The following ESRRG variants were observed in gnomAD, a reference collection of about 807,000 sequenced individuals.
ESRRG encodes the protein estrogen related receptor gamma.
ESRRG carries 13 observed loss-of-function variants against 44.0 expected under a neutral mutation model. The ratio of observed to expected loss-of-function variants is 0.30; its 90% CI spans 0.19 to 0.47. The LOEUF (loss-of-function observed/expected upper bound fraction) is 0.47, where lower values mean the gene tolerates loss of function less well. Ranked by LOEUF, ESRRG falls within the 20% of genes least tolerant of loss-of-function variation. The pLI, the probability that ESRRG is intolerant of heterozygous loss-of-function variation, is 1.00. For missense variants in ESRRG, 395 were observed against 580.6 expected (o/e 0.68, Z 3.29); for synonymous variants, 215 against 214.6 (o/e 1.00, Z -0.02).
Position 216,591,971 on chromosome 1 carries a change from C to G in ESRRG, c.590-23873G>C, listed in dbSNP as rs150861002. On this transcript the variant is annotated intron_variant, in intron 3 of 6. Coordinates refer to ENST00000408911, the MANE Select transcript of ESRRG (RefSeq NM_001438.4). ...TTATAGTGGAAAAGCCTGGTAGATA[C>G]CCCCAGTCAAGTGACCAAGATAATG... is the stretch of plus-strand genomic sequence containing the variant. Among the ~76,000 whole-genome samples, 197 of 149,462 alleles carry G rather than the reference C, an allele frequency of 1.3e-3. 1 individual carries two copies. The highest frequency in any genetic ancestry group is 4.8e-3 in the African/African-American group (188 of 38,870).
intron 5 of ESRRG, among the ~76,000 whole-genome samples, chr1:216,535,721 G>T (rs2050740826): frequency 6.6e-6 from 1 of 151,898 alleles, no homozygotes. Flanking sequence ...TTCTCCTCAA[G>T]TTCCATTCCT....
chr1:217,000,598 A>G (rs1037819055), intron 1 of ESRRG: 3 of 152,234 alleles, frequency 2.0e-5, no homozygotes, highest in African/African-American at 7.2e-5. Context: ...TTTTGGGGAT[A>G]CACAATTCAA....
rs539050133 is a variant in ESRRG, at chr1:216,795,976, G to A, written c.-13-118485C>T. ...GCAGGACTCTTCTCCCCAAAATCTC[G>A]GGCATCATGGGGCATTGCATATCAG... On this transcript the variant is annotated intron_variant, in intron 2 of 7. Coordinates refer to the ESRRG transcript ENST00000359162. 9.2e-5 allele frequency among the ~76,000 whole-genome samples: 14 copies of A among 152,200 alleles called. No homozygotes were observed. The South Asian group carries it at 1.9e-3, about 20-fold the overall frequency.
intron 3 of ESRRG, among the ~76,000 whole-genome samples, chr1:216,645,162 C>T (rs2067263841): frequency 6.6e-6 from 1 of 152,152 alleles, no homozygotes. Flanking sequence ...ACTGTGCCTT[C>T]AACTCTCACG....
chr1:216,648,736 C>T (rs80255743), intron 3 of ESRRG, among the ~76,000 whole-genome samples: 2,545 of 152,080 alleles, frequency 0.017, 68 homozygotes, highest in African/African-American at 0.058. Flanking sequence ...CAAAATAAAA[C>T]CTAAATATAG....
chr1:216,660,329 A>T (rs1321280084), intron 2 of ESRRG, among the ~76,000 whole-genome samples: 1 of 152,190 alleles, frequency 6.6e-6, no homozygotes, highest in Non-Finnish European at 1.5e-5. Context: ...TCAATACCTA[A>T]GAACAGGAGA....
At chr1:217,059,400 T>A (rs1416802800) in intron 1 of ESRRG, among the ~76,000 whole-genome samples, 1 of 152,034 alleles carries the variant, frequency 6.6e-6, no homozygotes, top group African/African-American at 2.4e-5. Context: ...CCAACGCGCA[T>A]CCCTAGCATC....
At chr1:216,615,523 C>T (rs568785254) in intron 3 of ESRRG, among the ~76,000 whole-genome samples, 1 of 152,102 alleles carries the variant, frequency 6.6e-6, no homozygotes. Context: ...ACAGGGAAGA[C>T]CCCAGTTCTT....
At chr1:216,523,553 C>CA (rs1390664261) in intron 5 of ESRRG, among the ~76,000 whole-genome samples, 1 of 142,702 alleles carries the variant, frequency 7.0e-6, no homozygotes, top group Admixed American at 7.2e-5. Flanking sequence ...AGTCAACTTA[C>CA]AAAAAAGGCT....
At chr1:216,594,350 A>C (rs1168036873) in intron 3 of ESRRG, among the ~76,000 whole-genome samples, 1 of 152,192 alleles carries the variant, frequency 6.6e-6, no homozygotes, top group Non-Finnish European at 1.5e-5. Context: ...TAGAGACAAT[A>C]ATATTATTTA....
At position 216,810,844 on chromosome 1, in the gene ESRRG, G is replaced by A. The variant is rs982313620; in HGVS notation, c.-14+128738C>T. Among the ~76,000 whole-genome samples the A allele has an allele frequency of 6.0e-5, 9 of 149,490 alleles. No individual in the cohort carries two copies. In the South Asian group the frequency reaches 1.7e-3, roughly 28 times the overall value. ...ATATATATAACTCTATGATATGTGT[G>A]TATATATGTACATATATATAACGTT... On this transcript the variant is annotated intron_variant, in intron 2 of 7. Coordinates refer to the ESRRG transcript ENST00000359162.
intron 1 of ESRRG, among the ~76,000 whole-genome samples, chr1:217,015,492 G>A (rs571628652): frequency 6.6e-6 from 1 of 152,158 alleles, no homozygotes; most frequent in South Asian, 2.1e-4. Flanking sequence ...TTCCATTGGA[G>A]GAGGTTTATA....
At chr1:216,882,846 C>A (rs1249593943) in intron 2 of ESRRG, among the ~76,000 whole-genome samples, 1 of 151,854 alleles carries the variant, frequency 6.6e-6, no homozygotes, top group Non-Finnish European at 1.5e-5. Flanking sequence ...CTAATCACTT[C>A]ATACTTTGTC....
At chr1:217,070,925 G>C (rs1015032083) in intron 1 of ESRRG, among the ~76,000 whole-genome samples, 2 of 152,162 alleles carry the variant, frequency 1.3e-5, no homozygotes, top group South Asian at 2.1e-4. Context: ...AAATGGAAAT[G>C]ATGATCCCAG....
At chr1:216,786,800 A>G (rs2147995595) in intron 2 of ESRRG, among the ~76,000 whole-genome samples, 1 of 152,238 alleles carries the variant, frequency 6.6e-6, no homozygotes, top group African/African-American at 2.4e-5. Flanking sequence ...GCAAAAATAC[A>G]ATTATACAAT....
At chr1:216,796,291 C>G (rs529424103) in intron 2 of ESRRG, among the ~76,000 whole-genome samples, 31 of 152,256 alleles carry the variant, frequency 2.0e-4, no homozygotes, top group Non-Finnish European at 3.5e-4. Context: ...CTCCCAGATG[C>G]CCTTGGGCAA....
At chr1:216,656,306 A>C (rs1043726912) in intron 2 of ESRRG, among the ~76,000 whole-genome samples, 3 of 152,180 alleles carry the variant, frequency 2.0e-5, no homozygotes, top group Non-Finnish European at 4.4e-5. Flanking sequence ...CAGTTTTGTC[A>C]ATAGCTAGGG....
At chr1:217,002,819 A>G (rs2150678236) in intron 1 of ESRRG, among the ~76,000 whole-genome samples, 1 of 152,216 alleles carries the variant, frequency 6.6e-6, no homozygotes, top group Non-Finnish European at 1.5e-5. Context: ...GCAGGCTTTC[A>G]TTTGACTGCA....
rs575767723 is a variant in ESRRG at position 216,954,749 on chromosome 1, A to G, written c.-105-15076T>C. ...TTAATATATACGCTATGTTTCTTCA[A>G]TTAAGACACTTGCCAGCTGACAGGC... On this transcript the variant is annotated intron_variant, in intron 1 of 7. Coordinates refer to the ESRRG transcript ENST00000359162. Among the ~76,000 whole-genome samples, 9 of 152,250 alleles carry G rather than the reference A, an allele frequency of 5.9e-5. No homozygotes were observed. The South Asian group carries it at 1.9e-3, about 32-fold the overall frequency.
Sources: allele counts gnomAD v4.1 joint callset (sites outside exome capture counted in the v4.1 genomes callset), GRCh38; gene constraint gnomAD v4.1.1; transcripts MANE v1.5; gene names NCBI Gene and HGNC (gene_info 2026-07-23, HGNC 2026-07-21).